ADAMTS2: variants seen among roughly 807,000 people sequenced by gnomAD.
The protein encoded by ADAMTS2 is ADAM metallopeptidase with thrombospondin type 1 motif 2.
In ADAMTS2, 50 loss-of-function variants were observed where a neutral mutation model predicts 123.0. That is an observed-to-expected ratio of 0.41 (90% CI 0.32 to 0.51). The LOEUF is 0.51. Among genes scored for constraint, ADAMTS2 ranks in the 20% least tolerant of loss-of-function variants. The pLI is 0.35. For missense variants in ADAMTS2, 1,494 were observed against 1,705.2 expected (o/e 0.88, Z 2.18); for synonymous variants, 678 against 695.4 (o/e 0.98, Z 0.39).
In ADAMTS2 at chr5:179,273,019, A is replaced by C; in HGVS notation, c.580T>G (p.Leu194Val). The C allele has an allele frequency of 1.2e-6, 2 of 1,613,546 alleles. No individual in the cohort carries two copies. The highest frequency in any genetic ancestry group is 1.7e-6 in the Non-Finnish European group (2 of 1,180,020). The change falls in exon 3 of 22, where the codon TTG becomes GTG. Residue 194 changes from leucine to valine, a missense_variant. Leu to Val is a conservative substitution (Grantham distance 32). Transcript: ENST00000251582. ...MEEEEFFIEP[L>V]EKGLAAQEAE... ...TCCTGCGCCGCCAGCCCCTTCTCCAAGGGTTCGATGAAGAACTCCTCCTCC... is the reference window on the plus strand; with the variant it reads ...TCCTGCGCCGCCAGCCCCTTCTCCACGGGTTCGATGAAGAACTCCTCCTCC...
chr5:179,299,562 T>C (rs866771657), intron 2 of ADAMTS2, among the ~76,000 whole-genome samples: 2 of 25,358 alleles, frequency 7.9e-5, no homozygotes, highest in South Asian at 2.0e-3. Flanking sequence ...CACACACACA[T>C]TTATTATCTG....
intron 2 of ADAMTS2, among the ~76,000 whole-genome samples, chr5:179,301,495 G>GACTCTTTCAGGATTAGAC (rs1756515793): frequency 6.6e-6 from 1 of 152,238 alleles, no homozygotes; most frequent in Admixed American, 6.5e-5. Context: ...GACAGCTAAT[G>GACTCTTTCAGGATTAGAC]AGTGGTGGAT....
In ADAMTS2 at chr5:179,336,392, G is replaced by A. The variant is rs570092802; in HGVS notation, c.534+7375C>T. 5.3e-5 allele frequency among the ~76,000 whole-genome samples: 8 copies of A among 152,356 alleles called. No individual in the cohort carries two copies. The East Asian group carries it at 1.3e-3, about 26-fold the overall frequency. Reference sequence around the variant, plus strand: ...TCACAAGAGGAAGACCCCCGGAGGCGGACGAAGCCAACCGAACTCAGTTCC... The same window carrying A: ...TCACAAGAGGAAGACCCCCGGAGGCAGACGAAGCCAACCGAACTCAGTTCC... On this transcript the variant is annotated intron_variant, in intron 2 of 21. Coordinates refer to ENST00000251582, the MANE Select transcript of ADAMTS2 (RefSeq NM_014244.5).
At chr5:179,152,964 C>T (rs903109740) in intron 9 of ADAMTS2, among the ~76,000 whole-genome samples, 2 of 152,202 alleles carry the variant, frequency 1.3e-5, no homozygotes, top group Non-Finnish European at 2.9e-5. Context: ...TTCCTTCATG[C>T]AGCAGAGGCG....
chr5:179,241,175 T>C (rs1368392125), intron 3 of ADAMTS2, among the ~76,000 whole-genome samples: 2 of 152,192 alleles, frequency 1.3e-5, no homozygotes, highest in African/African-American at 4.8e-5. Flanking sequence ...GAGTGAACCT[T>C]CGAGAACCGG....
chr5:179,205,915 GCGCC>G (rs1433851651), intron 4 of ADAMTS2, among the ~76,000 whole-genome samples: 13 of 151,976 alleles, frequency 8.6e-5, no homozygotes, highest in African/African-American at 3.1e-4. Context: ...GGGACTACAG[GCGCC>G]CGCCACCACG....
intron 3 of ADAMTS2, among the ~76,000 whole-genome samples, chr5:179,229,794 C>T (rs1388294052): frequency 6.6e-6 from 1 of 152,218 alleles, no homozygotes; most frequent in African/African-American, 2.4e-5. Context: ...ATCATCCCTC[C>T]TAAGTACCTT....
chr5:179,220,411 T>C (rs917262932), intron 3 of ADAMTS2, among the ~76,000 whole-genome samples: 5 of 152,086 alleles, frequency 3.3e-5, no homozygotes, highest in Non-Finnish European at 5.9e-5. Flanking sequence ...GAGCCCCTGA[T>C]TTGGACATCA....
At chr5:179,201,672 C>T (rs1764569960) in intron 4 of ADAMTS2, among the ~76,000 whole-genome samples, 1 of 146,984 alleles carries the variant, frequency 6.8e-6, no homozygotes, top group Non-Finnish European at 1.5e-5. Context: ...CGTGGTGGTG[C>T]ATGCCTGTAA....
intron 10 of ADAMTS2, among the ~76,000 whole-genome samples, chr5:179,140,572 C>T (rs1303655121): frequency 6.6e-6 from 1 of 152,124 alleles, no homozygotes; most frequent in Non-Finnish European, 1.5e-5. Context: ...TGCTCTCATT[C>T]CTCTAGGGGG....
chr5:179,343,475 A>G (rs1022597766), intron 2 of ADAMTS2, among the ~76,000 whole-genome samples: 5 of 152,216 alleles, frequency 3.3e-5, no homozygotes, highest in Non-Finnish European at 7.3e-5. Flanking sequence ...CCCGGATGCA[A>G]GCCAGAGACC....
chr5:179,165,222 G>A (rs903152024), intron 5 of ADAMTS2, among the ~76,000 whole-genome samples: 1 of 152,084 alleles, frequency 6.6e-6, no homozygotes, highest in African/African-American at 2.4e-5. Flanking sequence ...AGGCCAGATG[G>A]GTCCCTGCTG....
At position 179,273,059 on chromosome 5, in the gene ADAMTS2, A is replaced by G. The variant is rs1208378653; in HGVS notation, c.540T>C (p.Gly180=). 6.2e-7 allele frequency: 1 copy of G among 1,613,554 alleles called. No homozygotes were observed. Among genetic ancestry groups the G allele is most frequent in the South Asian group, 1.1e-5 (1 of 91,078 alleles). Residue 180 remains glycine, a synonymous_variant, in exon 3 of 22, where the codon GGT becomes GGC. Transcript: ENST00000251582. The part of the protein sequence containing the change: ...VALSNCDGLA[G]LIRMEEEEFF... Reference sequence around the variant, plus strand: ...ACTCCTCCTCCTCCATCCGGATCAGACCAGCCTGCGGGACAAAGACAACAG... The same window carrying G: ...ACTCCTCCTCCTCCATCCGGATCAGGCCAGCCTGCGGGACAAAGACAACAG...
chr5:179,258,335 G>A lies in ADAMTS2; in HGVS notation c.688+14576C>T, dbSNP rs6601025. Among the ~76,000 whole-genome samples the A allele has an allele frequency of 8.7e-3, 1,280 of 147,550 alleles. 19 individuals carry two copies. Among genetic ancestry groups the A allele is most frequent in the African/African-American group, 0.031 (1,210 of 38,904 alleles). On this transcript the variant is annotated intron_variant, in intron 3 of 21. Transcript: ENST00000251582. ...CAACTTGACCCCTGAGCTCCTCCCCGCAGCCCACCAGGTGCTCCTGCTGTG... is the reference window on the plus strand; with the variant it reads ...CAACTTGACCCCTGAGCTCCTCCCCACAGCCCACCAGGTGCTCCTGCTGTG...
intron 2 of ADAMTS2, among the ~76,000 whole-genome samples, chr5:179,338,372 G>A (rs28060): frequency 0.35 from 53,318 of 152,046 alleles, 9,493 homozygotes; most frequent in East Asian, 0.5. Context: ...CAAAGCCCCA[G>A]GCAGAGGTAG....
At chr5:179,276,017 G>A (rs753715538) in intron 2 of ADAMTS2, among the ~76,000 whole-genome samples, 2 of 152,200 alleles carry the variant, frequency 1.3e-5, no homozygotes, top group Non-Finnish European at 2.9e-5. Flanking sequence ...GACCGAGGTC[G>A]GAGAAGGAGG....
rs189783780 is a variant in ADAMTS2 at position 179,182,544 on chromosome 5, G to A, written c.892-1389C>T. The stretch of plus-strand genomic sequence containing the variant: ...ATGGATGGGTGGACAGGCATACAGG[G>A]CGTGCAAGACAAGGATCCCGAGGCC... On this transcript the variant is annotated intron_variant, in intron 4 of 21. Coordinates refer to ENST00000251582, the MANE Select transcript of ADAMTS2 (RefSeq NM_014244.5). Among the ~76,000 whole-genome samples, 8 of 152,238 alleles carry A rather than the reference G, an allele frequency of 5.3e-5. No homozygotes were observed. In the East Asian group the frequency reaches 1.4e-3, roughly 26 times the overall value.
At position 179,225,780 on chromosome 5, in the gene ADAMTS2, T is replaced by C. The variant is rs1453637098; in HGVS notation, c.689-18065A>G. ...CTTCCCCCATCTGCTGAGAGCTACT[T>C]CCACTCAATAAAACCTCGCACTCAT... On this transcript the variant is annotated intron_variant, in intron 3 of 21. Coordinates refer to ENST00000251582, the MANE Select transcript of ADAMTS2 (RefSeq NM_014244.5). This position sits in a 1 kb window ranked among gnomAD's most constrained non-coding sequence, Gnocchi z 4.5. Among the ~76,000 whole-genome samples the C allele has an allele frequency of 1.3e-5, 2 of 152,118 alleles. No individual in the cohort carries two copies. The highest frequency in any genetic ancestry group is 4.8e-5 in the African/African-American group (2 of 41,420).
rs745407557 is a variant in ADAMTS2, at chr5:179,130,007, C to T, written c.2382G>A (p.Glu794=). 2 of 1,614,172 alleles carry T rather than the reference C, an allele frequency of 1.2e-6. No homozygotes were observed. Among genetic ancestry groups the T allele is most frequent in the Non-Finnish European group, 1.7e-6 (2 of 1,180,044 alleles). ...SSKTFIAMGV[E]WEYRDEDGRE... is the part of the protein sequence containing the mutation. Reference sequence around the variant, plus strand: ...GGCCGTCCTCGTCTCTGTACTCCCACTCCACGCCCATGGCAATGAAGGTTT... The same window carrying T: ...GGCCGTCCTCGTCTCTGTACTCCCATTCCACGCCCATGGCAATGAAGGTTT... The change falls in exon 16 of 22, where the codon GAG becomes GAA. Residue 794 remains glutamate (E), a synonymous_variant. Coordinates refer to ENST00000251582, the MANE Select transcript of ADAMTS2 (RefSeq NM_014244.5). The surrounding 1 kb of genome is among the most constrained non-coding windows in gnomAD (Gnocchi z 4.3).
Sources: gnomAD v4.1 joint callset for allele counts (sites outside exome capture counted in the v4.1 genomes callset) on GRCh38, gnomAD v4.1.1 for gene constraint, Gnocchi (gnomAD v3.1) non-coding constraint, MANE v1.5 for transcripts, NCBI Gene and HGNC (gene_info 2026-07-23, HGNC 2026-07-21) for gene names.